FHIP1A: variants seen among roughly 807,000 people sequenced by gnomAD.
The protein encoded by FHIP1A is FHF complex subunit HOOK-interacting protein 1A.
FHIP1A carries 61 observed loss-of-function variants against 88.6 expected under a neutral mutation model. The observed-to-expected ratio is 0.69, with a 90% CI of 0.56 to 0.85. FHIP1A has a LOEUF of 0.85. Ranked by LOEUF, FHIP1A falls within the 40% of genes least tolerant of loss-of-function variation. The pLI is 0.00. For missense variants in FHIP1A, 1,154 were observed against 1,273.5 expected (o/e 0.91, Z 1.43); for synonymous variants, 478 against 496.0 (o/e 0.96, Z 0.48).
rs1737586530 is a variant in FHIP1A at position 151,664,344 on chromosome 4, C to G, written c.*1590C>G. 1.3e-5 allele frequency among the ~76,000 whole-genome samples: 2 copies of G among 152,178 alleles called. No individual in the cohort carries two copies. ...GAGCAGTGGAGGCCCTTTTGTGCTT[C>G]AGGAATCTTGAAGCAGCTTTGTATT... On this transcript the variant is annotated 3_prime_UTR_variant, in exon 14 of 14. Transcript: ENST00000435205.
intron 5 of FHIP1A, among the ~76,000 whole-genome samples, chr4:151,586,010 C>A (rs960784515): frequency 6.6e-6 from 1 of 152,022 alleles, no homozygotes; most frequent in Non-Finnish European, 1.5e-5. Context: ...TGATTGCTGA[C>A]CCCCAATTCT....
At chr4:151,617,767 T>C (rs2126858409) in intron 7 of FHIP1A, among the ~76,000 whole-genome samples, 1 of 152,192 alleles carries the variant, frequency 6.6e-6, no homozygotes, top group Admixed American at 6.5e-5. Context: ...GTGCCTGTAA[T>C]CCCAGCTACT....
chr4:151,662,425 A>AAG (rs1346308651), intron 13 of FHIP1A, 76 bp from the exon 14 acceptor site: 4 of 1,429,872 alleles, frequency 2.8e-6, no homozygotes, highest in Non-Finnish European at 3.7e-6. Context: ...CTCTGCCCCC[A>AAG]AACACATGCT....
rs113576088 is a variant in FHIP1A at position 151,627,725 on chromosome 4, A to C, written c.979-1977A>C. 2.9e-3 allele frequency among the ~76,000 whole-genome samples: 437 copies of C among 152,280 alleles called. 2 individuals carry two copies. The highest frequency in any genetic ancestry group is 0.01 in the African/African-American group (424 of 41,572). On this transcript the variant is annotated intron_variant, in intron 7 of 13. Coordinates refer to ENST00000435205, the MANE Select transcript of FHIP1A (RefSeq NM_001109977.3). ...TTAGCTATGATTGGTGACATCAGTT[A>C]TTACAGAGATCTTTATAAAAAACGT...
intron 8 of FHIP1A, among the ~76,000 whole-genome samples, chr4:151,637,817 G>A (rs1196871323): frequency 6.6e-6 from 1 of 152,166 alleles, no homozygotes; most frequent in Admixed American, 6.5e-5. Flanking sequence ...GAGGATAAGA[G>A]ATGTTTTGAG....
rs539526933 is a variant in FHIP1A at position 151,420,052 on chromosome 4, C to T, written c.-356+10587C>T. On this transcript the variant is annotated intron_variant, in intron 1 of 13. Transcript: ENST00000435205. The stretch of plus-strand genomic sequence containing the variant: ...TGTGAATAGTGCCGCAATAAACATA[C>T]GTGTGCATGTGTCTTTATAGCAGCA... Among the ~76,000 whole-genome samples, 5 of 4,532 alleles carry T rather than the reference C, an allele frequency of 1.1e-3. 1 individual carries two copies. The highest frequency in any genetic ancestry group is 4.4e-3 in the East Asian group (2 of 452). 3.0% of individuals were successfully genotyped at this position (4,532 alleles called of 152,430 possible).
At chr4:151,423,355 CTT>C (rs1396465778) in intron 1 of FHIP1A, among the ~76,000 whole-genome samples, 1 of 151,888 alleles carries the variant, frequency 6.6e-6, no homozygotes, top group Non-Finnish European at 1.5e-5. Flanking sequence ...AGAACACACA[CTT>C]TGAGGTTAGT....
intron 11 of FHIP1A, among the ~76,000 whole-genome samples, chr4:151,651,862 A>G (rs1168369091): frequency 6.6e-6 from 1 of 152,264 alleles, no homozygotes; most frequent in African/African-American, 2.4e-5. Flanking sequence ...GTTCTAGTTG[A>G]GATAACATTT....
Position 151,668,957 on chromosome 4 carries a change from C to G in FHIP1A, c.*6203C>G, listed in dbSNP as rs959278959. Among the ~76,000 whole-genome samples the G allele has an allele frequency of 2.6e-5, 4 of 152,060 alleles. No homozygotes were observed. The highest frequency in any genetic ancestry group is 9.7e-5 in the African/African-American group (4 of 41,360). The stretch of plus-strand genomic sequence containing the variant: ...CCTACAGGTGTGTGGATTCCTGAGA[C>G]AGATGGCAATGGCATCACCTGTGGT... On this transcript the variant is annotated 3_prime_UTR_variant, in exon 14 of 14. Coordinates refer to ENST00000435205, the MANE Select transcript of FHIP1A (RefSeq NM_001109977.3).
At chr4:151,540,618 C>G (rs901400363) in intron 3 of FHIP1A, among the ~76,000 whole-genome samples, 4 of 152,136 alleles carry the variant, frequency 2.6e-5, no homozygotes, top group African/African-American at 9.7e-5. Context: ...GTATAATAAA[C>G]TATCCTTACT....
intron 9 of FHIP1A, among the ~76,000 whole-genome samples, chr4:151,640,138 A>T (rs554018949): frequency 6.6e-6 from 1 of 152,298 alleles, no homozygotes; most frequent in East Asian, 1.9e-4. Context: ...GGGCCCAGCA[A>T]GCCATGTTTT....
At chr4:151,451,615 TA>T (rs1728791479) in intron 1 of FHIP1A, among the ~76,000 whole-genome samples, 1 of 152,182 alleles carries the variant, frequency 6.6e-6, no homozygotes, top group African/African-American at 2.4e-5. Flanking sequence ...AAGTAGATGA[TA>T]AGAGGTCAAT....
chr4:151,541,557 T>C (rs1732292971), intron 3 of FHIP1A, among the ~76,000 whole-genome samples: 1 of 152,230 alleles, frequency 6.6e-6, no homozygotes, highest in Non-Finnish European at 1.5e-5. Flanking sequence ...ACGTTTAAGT[T>C]GAAGGATAGG....
At chr4:151,517,789 T>G (rs1038161404) in intron 3 of FHIP1A, among the ~76,000 whole-genome samples, 1 of 151,994 alleles carries the variant, frequency 6.6e-6, no homozygotes, top group African/African-American at 2.4e-5. Context: ...AAAAAAGTTT[T>G]AAAATTAAAA....
At chr4:151,418,404 G>T (rs879401979) in intron 1 of FHIP1A, among the ~76,000 whole-genome samples, 5 of 152,118 alleles carry the variant, frequency 3.3e-5, no homozygotes, top group Admixed American at 3.3e-4. Context: ...CCCTGGAGTT[G>T]CTATAGATAG....
intron 7 of FHIP1A, among the ~76,000 whole-genome samples, chr4:151,623,303 A>C (rs1735818523): frequency 6.6e-6 from 1 of 152,164 alleles, no homozygotes; most frequent in Non-Finnish European, 1.5e-5. Flanking sequence ...TCTAGGACAC[A>C]CTGAATCTTT....
chr4:151,464,235 A>G (rs548354200), intron 2 of FHIP1A, among the ~76,000 whole-genome samples: 1 of 152,302 alleles, frequency 6.6e-6, no homozygotes, highest in South Asian at 2.1e-4. Context: ...TGATTGTTGT[A>G]TTATAATAGA....
At chr4:151,492,670 A>C (rs887147192) in intron 3 of FHIP1A, among the ~76,000 whole-genome samples, 2 of 152,172 alleles carry the variant, frequency 1.3e-5, no homozygotes, top group African/African-American at 4.8e-5. Context: ...TTGGAAATTA[A>C]TTCCAACAGG....
intron 7 of FHIP1A, among the ~76,000 whole-genome samples, chr4:151,621,704 A>G (rs897939407): frequency 6.6e-5 from 10 of 151,984 alleles, no homozygotes; most frequent in Admixed American, 5.2e-4. Context: ...TTTCCCCTCT[A>G]CTGTGGGTTT....
Sources: allele counts gnomAD v4.1 joint callset (sites outside exome capture counted in the v4.1 genomes callset), GRCh38; gene constraint gnomAD v4.1.1; transcripts MANE v1.5; gene names NCBI Gene and HGNC (gene_info 2026-07-23, HGNC 2026-07-21).